VSNL1: variants seen among roughly 807,000 people sequenced by gnomAD.
VSNL1 encodes the protein visinin like 1.
In VSNL1, 6 loss-of-function variants were observed where a neutral mutation model predicts 20.4. The ratio of observed to expected loss-of-function variants is 0.29; its 90% CI spans 0.16 to 0.58. VSNL1 has a LOEUF of 0.58. VSNL1 is among the 20% of genes least tolerant of loss of function. VSNL1 has a pLI of 0.90. For missense variants in VSNL1, 100 were observed against 234.5 expected (o/e 0.43, Z 3.75); for synonymous variants, 93 against 86.4 (o/e 1.08, Z -0.42).
intron 2 of VSNL1, among the ~76,000 whole-genome samples, chr2:17,648,987 T>C (rs1337836037): frequency 6.6e-6 from 1 of 152,202 alleles, no homozygotes; most frequent in African/African-American, 2.4e-5. Flanking sequence ...CCTCTGGCCC[T>C]ACTGGGCAGC....
At position 17,592,640 on chromosome 2, in the gene VSNL1, C is replaced by CTTTTTTTT. The variant is rs55756596; in HGVS notation, c.162+436_162+443dup. ...AAGAGGGCTTTTTCTCTCTCTCTCTCTTTTTTTTTTTTTTTTTTTTTTTTT... is the reference window on the plus strand; with the variant it reads ...AAGAGGGCTTTTTCTCTCTCTCTCTCTTTTTTTTTTTTTTTTTTTTTTTTTTTTTTTTT... On this transcript the variant is annotated intron_variant, in intron 2 of 3. Coordinates refer to ENST00000295156, the MANE Select transcript of VSNL1 (RefSeq NM_003385.5). 1.9e-3 allele frequency among the ~76,000 whole-genome samples: 136 copies of CTTTTTTTT among 70,868 alleles called. 10 individuals are homozygous for CTTTTTTTT. The highest frequency in any genetic ancestry group is 6.3e-3 in the African/African-American group (129 of 20,356). The allele number at this position is 70,868 out of a possible 152,430, so 46.5% of individuals were successfully genotyped here.
At chr2:17,575,914 A>G (rs1181336146) in intron 1 of VSNL1, among the ~76,000 whole-genome samples, 2 of 152,202 alleles carry the variant, frequency 1.3e-5, no homozygotes, top group African/African-American at 4.8e-5. Flanking sequence ...TCTCTATTTA[A>G]CATTCACTTG....
intron 2 of VSNL1, among the ~76,000 whole-genome samples, chr2:17,596,946 G>C (rs182056235): frequency 6.6e-6 from 1 of 152,208 alleles, no homozygotes; most frequent in Non-Finnish European, 1.5e-5. Context: ...TGTGTTTGCT[G>C]TCCTGATTGA....
intron 1 of VSNL1, among the ~76,000 whole-genome samples, chr2:17,556,994 C>A (rs1022489699): frequency 3.9e-5 from 6 of 152,088 alleles, no homozygotes; most frequent in African/African-American, 1.4e-4. Context: ...CTCAGTTAAT[C>A]CAGCAAAGGA....
intron 1 of VSNL1, among the ~76,000 whole-genome samples, chr2:17,542,994 T>A (rs1245870704): frequency 6.6e-6 from 1 of 152,224 alleles, no homozygotes; most frequent in African/African-American, 2.4e-5. Flanking sequence ...TGTTTCCTTC[T>A]CTCTTTCATT....
intron 1 of VSNL1, among the ~76,000 whole-genome samples, chr2:17,550,379 A>G (rs533821862): frequency 6.6e-6 from 1 of 152,258 alleles, no homozygotes; most frequent in East Asian, 1.9e-4. Context: ...AAGGTTTGAG[A>G]CACATCTGTA....
At chr2:17,598,154 T>C (rs1185519399) in intron 2 of VSNL1, among the ~76,000 whole-genome samples, 1 of 152,254 alleles carries the variant, frequency 6.6e-6, no homozygotes, top group Non-Finnish European at 1.5e-5. Context: ...TTTAGAATTC[T>C]ACTTCTAAAT....
At chr2:17,592,439 A>T (rs1462127453) in intron 2 of VSNL1, among the ~76,000 whole-genome samples, 1 of 152,180 alleles carries the variant, frequency 6.6e-6, no homozygotes, top group East Asian at 1.9e-4. Context: ...GAACAAAAAG[A>T]GTAATTGTTA....
intron 2 of VSNL1, among the ~76,000 whole-genome samples, chr2:17,612,089 CAT>C (rs1432031156): frequency 6.9e-4 from 105 of 152,332 alleles, no homozygotes; most frequent in Non-Finnish European, 1.1e-3. Flanking sequence ...CACTCACACA[CAT>C]GCACGTGCCT....
chr2:17,611,692 G>A (rs968077300), intron 2 of VSNL1, among the ~76,000 whole-genome samples: 10 of 152,184 alleles, frequency 6.6e-5, no homozygotes, highest in Admixed American at 1.3e-4. Context: ...AGCCAGCTCC[G>A]TCTCCAGCAC....
At chr2:17,642,746 T>G (rs1665909081) in intron 2 of VSNL1, among the ~76,000 whole-genome samples, 1 of 152,224 alleles carries the variant, frequency 6.6e-6, no homozygotes, top group South Asian at 2.1e-4. Context: ...AACAGAGAGA[T>G]CTGGCCTAAG....
At chr2:17,622,545 AAAGAAAGAAAG>A (rs1558303608) in intron 2 of VSNL1, among the ~76,000 whole-genome samples, 3,706 of 64,264 alleles carry the variant, frequency 0.058, 130 homozygotes, top group Middle Eastern at 0.13. Context: ...AGAAAGAAAG[AAAGAAAGAAAG>A]AAAGAAAGAA....
At chr2:17,544,149 T>C (rs1663357493) in intron 1 of VSNL1, among the ~76,000 whole-genome samples, 1 of 152,212 alleles carries the variant, frequency 6.6e-6, no homozygotes, top group African/African-American at 2.4e-5. Flanking sequence ...AGTAGGTAAC[T>C]ACTCTTGGAA....
chr2:17,575,533 T>A (rs1207507291), intron 1 of VSNL1, among the ~76,000 whole-genome samples: 1 of 152,026 alleles, frequency 6.6e-6, no homozygotes, highest in East Asian at 1.9e-4. Flanking sequence ...ATCTTTTTTT[T>A]TATTTTTTTT....
chr2:17,558,739 T>G (rs1379705066), intron 1 of VSNL1, among the ~76,000 whole-genome samples: 1 of 152,158 alleles, frequency 6.6e-6, no homozygotes, highest in Non-Finnish European at 1.5e-5. Flanking sequence ...TTCAAAGGTC[T>G]TGAGGTCATA....
Position 17,592,143 on chromosome 2 carries a change from T to C in VSNL1, c.69T>C (p.Asn23=), listed in dbSNP as rs377268396. The change falls in exon 2 of 4, where the codon AAT becomes AAC. Residue 23 remains asparagine (N), a synonymous_variant. Transcript: ENST00000295156. ...ACCTGGTGAAGAGCACAGAGTTTAA[T>C]GAGCATGAACTCAAGCAGTGGTACA... ...MEDLVKSTEF[N]EHELKQWYKG... The C allele has an allele frequency of 2.2e-5, 36 of 1,613,816 alleles. No individual in the cohort carries two copies. The highest frequency in any genetic ancestry group is 1.6e-4 in the Middle Eastern group (1 of 6,082).
chr2:17,624,847 G>A (rs553876905), intron 2 of VSNL1, among the ~76,000 whole-genome samples: 1 of 152,236 alleles, frequency 6.6e-6, no homozygotes, highest in East Asian at 1.9e-4. Context: ...TCGAGGTAAT[G>A]TGTTACAGCA....
At chr2:17,546,648 T>C (rs910674288) in intron 1 of VSNL1, among the ~76,000 whole-genome samples, 14 of 152,038 alleles carry the variant, frequency 9.2e-5, no homozygotes, top group African/African-American at 3.1e-4. Context: ...TGAAGTCCAA[T>C]TTTAAATTTT....
intron 2 of VSNL1, among the ~76,000 whole-genome samples, chr2:17,601,567 C>G (rs1432542211): frequency 2.0e-5 from 3 of 151,888 alleles, no homozygotes; most frequent in Non-Finnish European, 4.4e-5. Flanking sequence ...ACCTAGGAGG[C>G]AGCAGTTGCA....
Sources: gnomAD v4.1 joint callset for allele counts (sites outside exome capture counted in the v4.1 genomes callset) on GRCh38, gnomAD v4.1.1 for gene constraint, MANE v1.5 for transcripts, NCBI Gene and HGNC (gene_info 2026-07-23, HGNC 2026-07-21) for gene names.